Variants in SLFN12L observed in about 807,000 individuals in gnomAD.
The protein encoded by SLFN12L is schlafen family member 12-like.
A neutral mutation model predicts 34.8 loss-of-function variants in SLFN12L; 34 were observed. The ratio of observed to expected loss-of-function variants is 0.98; its 90% confidence interval spans 0.74 to 1.30. The LOEUF (loss-of-function observed/expected upper bound fraction) is 1.30. SLFN12L is among the 50% of genes most tolerant of loss of function. SLFN12L has a pLI of 0.00. For synonymous variants in SLFN12L, 259 were observed against 247.5 expected (o/e 1.05, Z -0.44); for missense variants, 703 against 696.2 (o/e 1.01, Z -0.11).
chr17:35,537,341 A>G (rs2072472109), intron 1 of SLFN12L, among the ~76,000 whole-genome samples: 1 of 152,152 alleles, frequency 6.6e-6, no homozygotes, highest in Non-Finnish European at 1.5e-5. Flanking sequence ...GGCCTCAGCT[A>G]CAAGGTGAGT....
intron 2 of SLFN12L, among the ~76,000 whole-genome samples, chr17:35,481,648 G>A (rs191331875): frequency 2.0e-5 from 3 of 152,264 alleles, no homozygotes; most frequent in East Asian, 1.9e-4. Flanking sequence ...CAATAACAGC[G>A]CAGCCTGGCA....
intron 1 of SLFN12L, among the ~76,000 whole-genome samples, chr17:35,523,798 A>G (rs769384021): frequency 5.9e-5 from 9 of 152,090 alleles, no homozygotes; most frequent in Non-Finnish European, 1.0e-4. Flanking sequence ...ATCTAGGCAT[A>G]ATGGTGCATG....
intron 2 of SLFN12L, among the ~76,000 whole-genome samples, chr17:35,509,336 C>T (rs1915563542): frequency 6.6e-6 from 1 of 152,216 alleles, no homozygotes; most frequent in African/African-American, 2.4e-5. Context: ...TTAAATACTT[C>T]TGGCTTTCCA....
chr17:35,484,806 G>C (rs1391995445), intron 2 of SLFN12L, among the ~76,000 whole-genome samples: 2 of 152,068 alleles, frequency 1.3e-5, no homozygotes, highest in African/African-American at 4.8e-5. Flanking sequence ...TATATTGACA[G>C]AGGCTCACAA....
intron 2 of SLFN12L, chr17:35,490,999 C>G (rs1413638875): frequency 1.3e-6 from 1 of 787,818 alleles, no homozygotes; most frequent in Non-Finnish European, 2.3e-6. Flanking sequence ...CTATGGGAAA[C>G]CTTTCTCCTC....
At chr17:35,478,810 GC>G (rs1914152372) in intron 3 of SLFN12L, among the ~76,000 whole-genome samples, 2 of 152,148 alleles carry the variant, frequency 1.3e-5, no homozygotes, top group Admixed American at 1.3e-4. Flanking sequence ...CAGAAAATGA[GC>G]CCTGAAAGAA....
chr17:35,530,513 A>AAATTAAGAAAGAAAG (rs1567694635), intron 1 of SLFN12L, among the ~76,000 whole-genome samples: 5 of 32,608 alleles, frequency 1.5e-4, no homozygotes, highest in African/African-American at 5.4e-4. Context: ...AGAAAGAAAG[A>AAATTAAGAAAGAAAG]AAAGAAAAGA....
At chr17:35,500,285 G>C (rs141739402) in intron 2 of SLFN12L, 9 of 152,216 alleles carry the variant, frequency 5.9e-5, no homozygotes, top group Non-Finnish European at 1.0e-4. Context: ...TTAATTTCTA[G>C]TATTTTTTTT....
At chr17:35,510,041 T>A (rs1438987559) in intron 2 of SLFN12L, 1 of 152,150 alleles carries the variant, frequency 6.6e-6, no homozygotes, top group African/African-American at 2.4e-5. Context: ...CTCACATACC[T>A]ATAGAAGCCA....
rs562605369 is a variant in SLFN12L at position 35,471,451 on chromosome 17, T to C, written c.*3472A>G. ...CGCGCCACGCCTGCATGTATCTTTA[T>C]AGTAGAATGATTTACATTCCTTTGG... On this transcript the variant is annotated 3_prime_UTR_variant, in exon 5 of 5. Transcript: ENST00000628453. Among the ~76,000 whole-genome samples, 1 of 152,308 alleles carries C rather than the reference T, an allele frequency of 6.6e-6. No individual in the cohort carries two copies. The highest frequency in any genetic ancestry group is 1.9e-4 in the East Asian group (1 of 5,186).
rs997802719 is a variant in SLFN12L, at chr17:35,470,686, T to A, written c.*4237A>T. The A allele has an allele frequency of 8.3e-5, 12 of 145,054 alleles. No homozygotes were observed. Among genetic ancestry groups the A allele is most frequent in the African/African-American group, 2.6e-4 (10 of 38,784 alleles). The allele number at this position is 145,054 out of a possible 1,614,324, so 9.0% of individuals were successfully genotyped here. A position where few individuals can be genotyped will look rare whatever the true frequency, so the allele number is the denominator to read the frequency against. ...TGTTTTAAGTTCTTTTTTTTTTTTT[T>A]AATTTTTATTATACTTTAAGCTCTG... On this transcript the variant is annotated 3_prime_UTR_variant, in exon 5 of 5. Transcript: ENST00000628453.
chr17:35,518,550 A>T (rs1338153114), intron 2 of SLFN12L, among the ~76,000 whole-genome samples: 6 of 3,810 alleles, frequency 1.6e-3, no homozygotes, highest in Non-Finnish European at 2.1e-3. Context: ...GACTGTATTT[A>T]AAAAAAAAAA....
At chr17:35,482,256 C>T (rs916595279) in intron 2 of SLFN12L, among the ~76,000 whole-genome samples, 2 of 152,256 alleles carry the variant, frequency 1.3e-5, no homozygotes, top group South Asian at 4.1e-4. Flanking sequence ...TAACACCCAA[C>T]ATGATGGGCG....
chr17:35,494,111 G>T (rs561127194), intron 2 of SLFN12L, among the ~76,000 whole-genome samples: 1 of 152,126 alleles, frequency 6.6e-6, no homozygotes, highest in African/African-American at 2.4e-5. Context: ...TTTTCCTACG[G>T]GGTACGTGAT....
At chr17:35,528,622 G>A (rs933952187) in intron 1 of SLFN12L, among the ~76,000 whole-genome samples, 25 of 152,130 alleles carry the variant, frequency 1.6e-4, no homozygotes, top group Admixed American at 1.2e-3. Context: ...AATGGTGTTG[G>A]GAAAACTGGC....
At position 35,537,575 on chromosome 17, in the gene SLFN12L, T is replaced by C. The variant is rs754140469; in HGVS notation, c.-608A>G. ...CTCTCTGGACAATCTGTACTTACCT[T>C]GGGAGTTAAAAGATTCCACAGGGTT... On this transcript the variant is annotated splice_region_variant and 5_prime_UTR_variant, in exon 1 of 5. Transcript: ENST00000628453. The C allele has an allele frequency of 1.3e-5, 2 of 152,312 alleles. No individual in the cohort carries two copies. The highest frequency in any genetic ancestry group is 1.9e-4 in the East Asian group (1 of 5,182). The allele number at this position is 152,312 out of a possible 1,614,324, so 9.4% of individuals were successfully genotyped here.
intron 2 of SLFN12L, among the ~76,000 whole-genome samples, chr17:35,489,727 A>T (rs111821981): frequency 9.3e-4 from 141 of 152,320 alleles, no homozygotes; most frequent in Non-Finnish European, 1.6e-3. Flanking sequence ...ATTTCAATAG[A>T]TACCGAAAAA....
chr17:35,508,674 C>T (rs1915544892), intron 2 of SLFN12L, among the ~76,000 whole-genome samples: 1 of 152,130 alleles, frequency 6.6e-6, no homozygotes, highest in African/African-American at 2.4e-5. Context: ...ATAGTACTCT[C>T]CAAAATATTT....
chr17:35,483,969 A>C (rs547520828), intron 2 of SLFN12L, among the ~76,000 whole-genome samples: 6 of 152,360 alleles, frequency 3.9e-5, no homozygotes, highest in African/African-American at 1.4e-4. Context: ...CATCAAGAGA[A>C]TTCATATGCA....
Sources: gnomAD v4.1 joint callset for allele counts (sites outside exome capture counted in the v4.1 genomes callset) on GRCh38, gnomAD v4.1.1 for gene constraint, MANE v1.5 for transcripts, NCBI Gene and HGNC (gene_info 2026-07-23, HGNC 2026-07-21) for gene names.